Variants in SUGCT observed in about 807,000 individuals in gnomAD.
The protein encoded by SUGCT is succinyl-CoA:glutarate CoA-transferase.
A neutral mutation model predicts 55.0 loss-of-function variants in SUGCT; 41 were observed. The observed-to-expected ratio is 0.74, with a 90% CI of 0.58 to 0.97. The LOEUF (loss-of-function observed/expected upper bound fraction) is 0.97, where lower values mean the gene tolerates loss of function less well. Among genes scored for constraint, SUGCT ranks in the 50% least tolerant of loss-of-function variants. The pLI, the probability that SUGCT is intolerant of heterozygous loss-of-function variation, is 0.00. For synonymous variants in SUGCT, 187 were observed against 200.4 expected (o/e 0.93, Z 0.56); for missense variants, 568 against 547.8 (o/e 1.04, Z -0.37).
intron 12 of SUGCT, among the ~76,000 whole-genome samples, chr7:40,624,773 AC>A: frequency 6.0e-5 from 1 of 16,688 alleles, no homozygotes; most frequent in South Asian, 6.5e-3. Flanking sequence ...TTCTGTGCAA[AC>A]ACACACACAC....
At chr7:40,673,479 C>T (rs916075753) in intron 12 of SUGCT, among the ~76,000 whole-genome samples, 3 of 152,204 alleles carry the variant, frequency 2.0e-5, no homozygotes, top group Non-Finnish European at 4.4e-5. Flanking sequence ...TGCCAAAACT[C>T]CCTCTGAACC....
chr7:40,445,514 C>G (rs1788776763), intron 9 of SUGCT, among the ~76,000 whole-genome samples: 1 of 152,092 alleles, frequency 6.6e-6, no homozygotes, highest in African/African-American at 2.4e-5. Context: ...TAATAGTCTA[C>G]CAACCAAAAA....
intron 12 of SUGCT, among the ~76,000 whole-genome samples, chr7:40,578,922 T>C (rs1430292886): frequency 6.6e-6 from 1 of 152,234 alleles, no homozygotes; most frequent in African/African-American, 2.4e-5. Flanking sequence ...AAGAGCTTTG[T>C]CTTATTTATC....
intron 12 of SUGCT, among the ~76,000 whole-genome samples, chr7:40,692,812 C>T (rs1405715900): frequency 6.7e-6 from 1 of 148,568 alleles, no homozygotes; most frequent in African/African-American, 2.5e-5. Flanking sequence ...GTTCATGGTC[C>T]CATTCTACCA....
At chr7:40,780,193 G>A (rs917461270) in intron 13 of SUGCT, among the ~76,000 whole-genome samples, 2 of 152,296 alleles carry the variant, frequency 1.3e-5, no homozygotes, top group Admixed American at 1.3e-4. Context: ...TGGGAATCAG[G>A]TGCTGGGTGA....
At chr7:40,642,635 A>G (rs1001277681) in intron 12 of SUGCT, among the ~76,000 whole-genome samples, 1 of 152,240 alleles carries the variant, frequency 6.6e-6, no homozygotes, top group Non-Finnish European at 1.5e-5. Context: ...CTGGAAGGTA[A>G]GAGTCAGTTG....
intron 12 of SUGCT, among the ~76,000 whole-genome samples, chr7:40,578,671 C>T (rs1193985570): frequency 1.3e-5 from 2 of 152,116 alleles, no homozygotes; most frequent in Admixed American, 6.5e-5. Context: ...GAGAATATAG[C>T]CAAGGCATTG....
the SUGCT span, among the ~76,000 whole-genome samples, chr7:40,988,608 T>C: frequency 0.015 from 2,273 of 152,222 alleles, 34 homozygotes; most frequent in South Asian, 0.075. Flanking sequence ...AAAAAAAGTG[T>C]GTGTTTAAAA....
At chr7:40,290,754 C>T (rs1300712453) in intron 8 of SUGCT, among the ~76,000 whole-genome samples, 4 of 152,158 alleles carry the variant, frequency 2.6e-5, no homozygotes, top group African/African-American at 7.2e-5. Context: ...TCAACCTACT[C>T]ATCTGACAAA....
chr7:40,446,824 G>A (rs909365900), intron 9 of SUGCT, among the ~76,000 whole-genome samples: 1 of 152,134 alleles, frequency 6.6e-6, no homozygotes, highest in Non-Finnish European at 1.5e-5. Flanking sequence ...ATAACTTTAT[G>A]TTATGATGGA....
intron 13 of SUGCT, among the ~76,000 whole-genome samples, chr7:40,755,399 A>G (rs923717546): frequency 7.2e-5 from 11 of 152,244 alleles, no homozygotes; most frequent in Non-Finnish European, 1.6e-4. Flanking sequence ...AGCACATTAA[A>G]GTTTACATCA....
intron 13 of SUGCT, among the ~76,000 whole-genome samples, chr7:40,780,684 A>G (rs1186511459): frequency 6.6e-6 from 1 of 151,204 alleles, no homozygotes; most frequent in African/African-American, 2.4e-5. Context: ...CCGTTCATTT[A>G]TACTAATAGG....
intron 1 of SUGCT, among the ~76,000 whole-genome samples, chr7:40,155,732 G>A (rs1365469930): frequency 1.3e-5 from 2 of 152,304 alleles, no homozygotes; most frequent in Middle Eastern, 3.4e-3. Context: ...ATGTGGTGGT[G>A]TGTGTTTAGA....
At position 40,631,542 on chromosome 7, in the gene SUGCT, G is replaced by A. The variant is rs371802373; in HGVS notation, c.1090-117892G>A. On this transcript the variant is annotated intron_variant, in intron 12 of 13. Transcript: ENST00000335693. Reference sequence around the variant, plus strand: ...TAGTCCTTTCATGATCTGAAATCCCGTGCCTGGATTGGGTCTGGATAACCA... The same window carrying A: ...TAGTCCTTTCATGATCTGAAATCCCATGCCTGGATTGGGTCTGGATAACCA... Among the ~76,000 whole-genome samples, 11 of 152,202 alleles carry A rather than the reference G, an allele frequency of 7.2e-5. No individual in the cohort carries two copies. In the East Asian group the frequency reaches 9.6e-4, roughly 13 times the overall value.
Position 40,414,770 on chromosome 7 carries a change from C to T in SUGCT, c.817-34517C>T, listed in dbSNP as rs1023434882. 3.3e-5 allele frequency among the ~76,000 whole-genome samples: 5 copies of T among 151,468 alleles called. No individual in the cohort carries two copies. In the East Asian group the frequency reaches 7.8e-4, roughly 24 times the overall value. On this transcript the variant is annotated intron_variant, in intron 9 of 13. Coordinates refer to ENST00000335693, the MANE Select transcript of SUGCT (RefSeq NM_001193313.2). ...AAAAAGTATAAAAATTGGCTGGGCG[C>T]GGTGGCTCATGCCTGTAATTCCAGC...
intron 12 of SUGCT, among the ~76,000 whole-genome samples, chr7:40,670,107 A>AG (rs1801857643): frequency 6.7e-6 from 1 of 149,488 alleles, no homozygotes; most frequent in Non-Finnish European, 1.5e-5. Context: ...CTTTCTCATC[A>AG]GACATCATGG....
chr7:40,531,518 A>G (rs937441580), intron 12 of SUGCT, among the ~76,000 whole-genome samples: 2 of 152,230 alleles, frequency 1.3e-5, no homozygotes, highest in African/African-American at 4.8e-5. Context: ...ATAGTAGAGA[A>G]CAATGCTACT....
chr7:40,308,820 G>T (rs1310496087), intron 8 of SUGCT, among the ~76,000 whole-genome samples: 1 of 152,086 alleles, frequency 6.6e-6, no homozygotes, highest in Admixed American at 6.5e-5. Flanking sequence ...GACCAGCCTC[G>T]CCAACCTGGT....
intron 11 of SUGCT, among the ~76,000 whole-genome samples, chr7:40,479,105 ATTTTC>A (rs1374364836): frequency 6.6e-6 from 1 of 151,334 alleles, no homozygotes; most frequent in African/African-American, 2.4e-5. Flanking sequence ...TGTGCACCTT[ATTTTC>A]TTTATCCATT....
Sources: gnomAD v4.1 joint callset for allele counts (sites outside exome capture counted in the v4.1 genomes callset) on GRCh38, gnomAD v4.1.1 for gene constraint, MANE v1.5 for transcripts, NCBI Gene and HGNC (gene_info 2026-07-23, HGNC 2026-07-21) for gene names.